TMEM170A: variants seen among roughly 807,000 people sequenced by gnomAD.
The protein encoded by TMEM170A is transmembrane protein 170A, also known as transmembrane protein 170.
A neutral mutation model predicts 12.8 loss-of-function variants in TMEM170A; 18 were observed. That is an observed-to-expected ratio of 1.41 (90% CI 0.97 to 2.09). TMEM170A has a LOEUF of 2.09. Ranked by LOEUF, TMEM170A falls within the 30% of genes most tolerant of loss-of-function variation. TMEM170A has a pLI of 0.00. For synonymous variants in TMEM170A, 107 were observed against 76.2 expected (o/e 1.40, Z -2.11); for missense variants, 220 against 179.9 (o/e 1.22, Z -1.28).
intron 2 of TMEM170A, among the ~76,000 whole-genome samples, 197 bp from the exon 3 acceptor site, chr16:75,447,885 G>C (rs549736976): frequency 6.6e-6 from 1 of 152,248 alleles, no homozygotes; most frequent in East Asian, 1.9e-4. Flanking sequence ...TGCATGGCTT[G>C]CAAGATCACT....
intron 1 of TMEM170A, chr16:75,458,181 C>T (rs116736495): frequency 8.3e-4 from 126 of 152,268 alleles, no homozygotes; most frequent in African/African-American, 2.9e-3. Flanking sequence ...TATATTACTT[C>T]GGCTTTGTTT....
In TMEM170A at chr16:75,451,769, C is replaced by G. The variant is rs115704147; in HGVS notation, c.204G>C (p.Leu68=). The change falls in exon 2 of 3, where the codon CTG becomes CTC. Residue 68 remains leucine (L), a synonymous_variant. Coordinates refer to ENST00000561878, the MANE Select transcript of TMEM170A (RefSeq NM_145254.3). ...SLFFHVPAGL[L]ALFTLRHHKY... is the part of the protein sequence containing the mutation. ...TGTGATGTCTGAGGGTGAAGAGGGC[C>G]AGTAATCCAGCAGGGACATGAAAGA... The G allele has an allele frequency of 3.6e-4, 588 of 1,613,994 alleles. 5 individuals are homozygous for G. In the African/African-American group the frequency reaches 7.3e-3, roughly 20 times the overall value.
intron 1 of TMEM170A, among the ~76,000 whole-genome samples, chr16:75,455,901 A>G (rs1482091320): frequency 6.6e-6 from 1 of 152,186 alleles, no homozygotes; most frequent in African/African-American, 2.4e-5. Flanking sequence ...GCTTGAGGGG[A>G]TTAGAAAGGG....
chr16:75,463,925 A>G (rs1180583451), intron 1 of TMEM170A, among the ~76,000 whole-genome samples: 1 of 152,210 alleles, frequency 6.6e-6, no homozygotes, highest in Non-Finnish European at 1.5e-5. Context: ...AAAGATTCCT[A>G]GAAAGCGGAG....
At position 75,447,633 on chromosome 16, in the gene TMEM170A, T is replaced by C. The variant is rs1367533962; in HGVS notation, c.360A>G (p.Glu120=). The change falls in exon 3 of 3, where the codon GAA becomes GAG. Residue 120 remains glutamate, a synonymous_variant. Transcript: ENST00000561878. The part of the protein sequence containing the change: ...RAAGKEMIPF[E]ALTLGTGQTF... ...TCTGTCCAGTGCCCAGTGTGAGGGC[T>C]TCAAATGGTATCATTTCCTTCCCTG... 2 of 1,611,444 alleles carry C rather than the reference T, an allele frequency of 1.2e-6. No individual in the cohort carries two copies. Among genetic ancestry groups the C allele is most frequent in the Non-Finnish European group, 1.7e-6 (2 of 1,179,096 alleles).
chr16:75,445,084 T>C lies in TMEM170A; in HGVS notation c.*2474A>G, dbSNP rs2079561066. The C allele has an allele frequency of 6.6e-6, 1 of 152,226 alleles. No homozygotes were observed. The highest frequency in any genetic ancestry group is 1.5e-5 in the Non-Finnish European group (1 of 68,032). The allele number at this position is 152,226 out of a possible 1,614,324, so 9.4% of individuals were successfully genotyped here. ...CCTTCAGTAGAGATGATGGCAATCA[T>C]TTCCCATAAGAAAAGTTACCAATTC... On this transcript the variant is annotated 3_prime_UTR_variant, in exon 3 of 3. Coordinates refer to ENST00000561878, the MANE Select transcript of TMEM170A (RefSeq NM_145254.3).
intron 1 of TMEM170A, 40 bp downstream of exon 1, chr16:75,464,428 C>A: frequency 7.1e-7 from 1 of 1,399,898 alleles, no homozygotes; most frequent in Non-Finnish European, 9.3e-7. Context: ...GCAGCGGCGA[C>A]GGCGGGGCGC....
At chr16:75,456,965 G>C (rs899463597) in intron 1 of TMEM170A, among the ~76,000 whole-genome samples, 1 of 152,218 alleles carries the variant, frequency 6.6e-6, no homozygotes, top group African/African-American at 2.4e-5. Context: ...AAATCAATCT[G>C]ATCCTGACTA....
intron 2 of TMEM170A, among the ~76,000 whole-genome samples, chr16:75,451,154 A>T (rs1005884232): frequency 7.2e-5 from 11 of 152,184 alleles, no homozygotes; most frequent in African/African-American, 2.7e-4. Context: ...CACAAAGTTT[A>T]ACATGACTTC....
chr16:75,464,356 C>CTTA, intron 1 of TMEM170A, 112 bp downstream of exon 1: 1 of 1,243,068 alleles, frequency 8.0e-7, no homozygotes. Context: ...GAGGACAGCG[C>CTTA]CCACGCCGCC....
chr16:75,451,802 A>T lies in TMEM170A; in HGVS notation c.171T>A (p.Ser57=), dbSNP rs775464908. Reference sequence around the variant, plus strand: ...CAGCAGGGACATGAAAGAAGAGAGAAGACACCAGTGCCCACAGGAATACAC... The same window carrying T: ...CAGCAGGGACATGAAAGAAGAGAGATGACACCAGTGCCCACAGGAATACAC... ...WYGVFLWALV[S]SLFFHVPAGL... Residue 57 remains serine (S), a synonymous_variant, in exon 2 of 3, where the codon TCT becomes TCA. Transcript: ENST00000561878. 6.2e-7 allele frequency: 1 copy of T among 1,614,004 alleles called. No individual in the cohort carries two copies.
rs532250082 is a variant in TMEM170A at position 75,445,810 on chromosome 16, T to C, written c.*1748A>G. On this transcript the variant is annotated 3_prime_UTR_variant, in exon 3 of 3. Coordinates refer to ENST00000561878, the MANE Select transcript of TMEM170A (RefSeq NM_145254.3). Reference sequence around the variant, plus strand: ...AGAGTGTGTATTGCTTTAAATGGAATAGATACGTTCATGTGTATATGACCT... The same window carrying C: ...AGAGTGTGTATTGCTTTAAATGGAACAGATACGTTCATGTGTATATGACCT... The C allele has an allele frequency of 1.3e-5, 2 of 152,006 alleles. No homozygotes were observed. The highest frequency in any genetic ancestry group is 2.1e-4 in the South Asian group (1 of 4,826). 9.4% of individuals were successfully genotyped at this position (152,006 alleles called of 1,614,324 possible). A position where few individuals can be genotyped will look rare whatever the true frequency, so the allele number is the denominator to read the frequency against.
intron 1 of TMEM170A, among the ~76,000 whole-genome samples, chr16:75,462,050 G>A (rs955442277): frequency 2.0e-5 from 3 of 152,132 alleles, no homozygotes; most frequent in Admixed American, 1.3e-4. Flanking sequence ...ATTAACAGAG[G>A]ATGCAGGAAC....
intron 2 of TMEM170A, among the ~76,000 whole-genome samples, chr16:75,449,993 G>A (rs916376926): frequency 1.3e-5 from 2 of 152,160 alleles, no homozygotes; most frequent in African/African-American, 4.8e-5. Flanking sequence ...ATTACTATGT[G>A]TCAGGTATTA....
chr16:75,462,909 T>C (rs2079932312), intron 1 of TMEM170A, among the ~76,000 whole-genome samples: 1 of 152,226 alleles, frequency 6.6e-6, no homozygotes, highest in Admixed American at 6.5e-5. Flanking sequence ...AAATGGTTTT[T>C]AGAAGATACA....
chr16:75,452,016 G>A lies in TMEM170A; in HGVS notation c.134-177C>T, dbSNP rs1196716018. Among the ~76,000 whole-genome samples the A allele has an allele frequency of 2.0e-5, 3 of 152,098 alleles. No individual in the cohort carries two copies. In the East Asian group the frequency reaches 5.8e-4, roughly 29 times the overall value. On this transcript the variant is annotated intron_variant, in intron 1 of 2. Transcript: ENST00000561878. Reference sequence around the variant, plus strand: ...AGACGGAGTCTCGCTCTGTCACCCAGGCTGGAGTACAGTGGCGTGATCTCG... The same window carrying A: ...AGACGGAGTCTCGCTCTGTCACCCAAGCTGGAGTACAGTGGCGTGATCTCG...
At position 75,447,136 on chromosome 16, in the gene TMEM170A, AAGATT is replaced by A. The variant is rs1277204572; in HGVS notation, c.*417_*421del. Reference sequence around the variant, plus strand: ...GAAAAGAGTTTGCCAAATTTTAATCAAGATTAGATAAGATTTTAATACAACATACT... The same window carrying A: ...GAAAAGAGTTTGCCAAATTTTAATCAAGATAAGATTTTAATACAACATACT... On this transcript the variant is annotated 3_prime_UTR_variant, in exon 3 of 3. Coordinates refer to ENST00000561878, the MANE Select transcript of TMEM170A (RefSeq NM_145254.3). 5 of 152,640 alleles carry A rather than the reference AAGATT, an allele frequency of 3.3e-5. No individual in the cohort carries two copies. Among genetic ancestry groups the A allele is most frequent in the African/African-American group, 1.2e-4 (5 of 41,474 alleles). The allele number at this position is 152,640 out of a possible 1,614,324, so 9.5% of individuals were successfully genotyped here. A position where few individuals can be genotyped will look rare whatever the true frequency, so the allele number is the denominator to read the frequency against.
chr16:75,455,538 A>C (rs247449), intron 1 of TMEM170A, among the ~76,000 whole-genome samples: 5 of 152,012 alleles, frequency 3.3e-5, no homozygotes, highest in African/African-American at 1.2e-4. Flanking sequence ...TTAATAAATA[A>C]TTATTAGATA....
rs570419061 is a variant in TMEM170A, at chr16:75,463,637, C to T, written c.133+831G>A. 6.6e-5 allele frequency among the ~76,000 whole-genome samples: 10 copies of T among 152,376 alleles called. No individual in the cohort carries two copies. In the East Asian group the frequency reaches 1.5e-3, roughly 24 times the overall value. On this transcript the variant is annotated intron_variant, in intron 1 of 2. Transcript: ENST00000561878. ...TCCCCTCTGCTGGGAGCCCCACCTC[C>T]CCTTCCAGGGCCACGGGCTCTAGTC...
Sources: gnomAD v4.1 joint callset for allele counts (sites outside exome capture counted in the v4.1 genomes callset) on GRCh38, gnomAD v4.1.1 for gene constraint, MANE v1.5 for transcripts, NCBI Gene and HGNC (gene_info 2026-07-23, HGNC 2026-07-21) for gene names.